The following BRINP1 variants were observed in gnomAD, a reference collection of about 807,000 sequenced individuals.
BRINP1 encodes the protein BMP/retinoic acid-inducible neural-specific protein 1.
BRINP1 carries 17 observed loss-of-function variants against 72.9 expected under a neutral mutation model. That is an observed-to-expected ratio of 0.23 (90% CI 0.16 to 0.35). The LOEUF (loss-of-function observed/expected upper bound fraction) is 0.35, where lower values mean the gene tolerates loss of function less well. Among genes scored for constraint, BRINP1 ranks in the 10% least tolerant of loss-of-function variants. The pLI is 1.00. For synonymous variants in BRINP1, 418 were observed against 378.5 expected (o/e 1.10, Z -1.21); for missense variants, 850 against 1,001.6 (o/e 0.85, Z 2.04).
chr9:119,199,315 T>C (rs1424230869), intron 7 of BRINP1, among the ~76,000 whole-genome samples: 1 of 152,128 alleles, frequency 6.6e-6, no homozygotes, highest in African/African-American at 2.4e-5. Flanking sequence ...AAAATCAGTA[T>C]GAATATTGAG....
intron 5 of BRINP1, among the ~76,000 whole-genome samples, chr9:119,224,356 A>G (rs1830070881): frequency 6.6e-6 from 1 of 152,092 alleles, no homozygotes; most frequent in African/African-American, 2.4e-5. Flanking sequence ...GCCAAGTTGT[A>G]TGCCACAGAA....
intron 5 of BRINP1, among the ~76,000 whole-genome samples, chr9:119,219,468 C>T (rs1176905980): frequency 6.6e-6 from 1 of 151,190 alleles, no homozygotes; most frequent in African/African-American, 2.4e-5. Context: ...TCCTTCTTTC[C>T]TCATTTTCTT....
intron 2 of BRINP1, among the ~76,000 whole-genome samples, chr9:119,310,034 C>T (rs1370001832): frequency 6.6e-6 from 1 of 152,128 alleles, no homozygotes; most frequent in Non-Finnish European, 1.5e-5. Context: ...ACTCCAGACC[C>T]AAAATCCTTT....
intron 2 of BRINP1, among the ~76,000 whole-genome samples, chr9:119,285,984 A>G (rs569397897): frequency 2.0e-5 from 3 of 152,262 alleles, no homozygotes; most frequent in African/African-American, 4.8e-5. Context: ...TTGGAAATCA[A>G]TTCATGCTCA....
Position 119,313,162 on chromosome 9 carries a change from A to C in BRINP1, c.194T>G (p.Phe65Cys). 1.2e-6 allele frequency: 2 copies of C among 1,614,050 alleles called. No homozygotes were observed. The highest frequency in any genetic ancestry group is 1.7e-6 in the Non-Finnish European group (2 of 1,180,014). Residue 65 changes from phenylalanine (F) to cysteine (C), a missense_variant, in exon 2 of 8, where the codon TTT becomes TGT. Phe to Cys is a radical substitution (Grantham distance 205, BLOSUM62 -2). Transcript: ENST00000265922. ...LSFVERHRQG[F>C]TTRYKIYREF... ...CCTGTATATTTTATATCTGGTTGTA[A>C]ATCCTTGACGGTGTCTTTCCACAAA...
At position 119,318,726 on chromosome 9, in the gene BRINP1, C is replaced by A. The variant is rs561218756; in HGVS notation, c.-50-5321G>T. On this transcript the variant is annotated intron_variant, in intron 1 of 7. Coordinates refer to ENST00000265922, the MANE Select transcript of BRINP1 (RefSeq NM_014618.3). ...ACATGGCTTCTATTGTAAACTGGTG[C>A]AGGGTGGGAGCCTGTGAGAGAATAC... Among the ~76,000 whole-genome samples, 17 of 152,216 alleles carry A rather than the reference C, an allele frequency of 1.1e-4. 1 individual carries two copies. The highest frequency in any genetic ancestry group is 2.9e-4 in the African/African-American group (12 of 41,528).
chr9:119,282,937 C>T (rs775229941), intron 2 of BRINP1: 8 of 985,266 alleles, frequency 8.1e-6, no homozygotes, highest in Admixed American at 6.1e-5. Context: ...TAGGTTCTTT[C>T]TCTCTTCAAT....
chr9:119,264,757 G>A (rs1403431508), intron 2 of BRINP1, among the ~76,000 whole-genome samples: 2 of 152,104 alleles, frequency 1.3e-5, no homozygotes, highest in Middle Eastern at 3.2e-3. Flanking sequence ...TGCAACCTCC[G>A]CCTCCCGGGT....
intron 5 of BRINP1, among the ~76,000 whole-genome samples, chr9:119,218,641 A>G (rs2118882331): frequency 6.6e-6 from 1 of 152,090 alleles, no homozygotes; most frequent in South Asian, 2.1e-4. Flanking sequence ...TAGGAATTCA[A>G]CTTGAGTTCT....
chr9:119,308,725 A>T (rs1423178851), intron 2 of BRINP1, among the ~76,000 whole-genome samples: 1 of 152,174 alleles, frequency 6.6e-6, no homozygotes, highest in East Asian at 1.9e-4. Context: ...TTTGATTTAC[A>T]CTCAACTTTC....
At chr9:119,328,618 A>G (rs1831262754) in intron 1 of BRINP1, among the ~76,000 whole-genome samples, 1 of 152,246 alleles carries the variant, frequency 6.6e-6, no homozygotes, top group Admixed American at 6.5e-5. Flanking sequence ...GTAATTAAAT[A>G]GAAAGTGTCC....
At chr9:119,330,166 T>G (rs1831285302) in intron 1 of BRINP1, among the ~76,000 whole-genome samples, 1 of 152,040 alleles carries the variant, frequency 6.6e-6, no homozygotes, top group Non-Finnish European at 1.5e-5. Flanking sequence ...ACACTAGGAG[T>G]GCTCACCATT....
rs182317438 is a variant in BRINP1 at position 119,333,925 on chromosome 9, A to C, written c.-50-20520T>G. On this transcript the variant is annotated intron_variant, in intron 1 of 7. Transcript: ENST00000265922. The stretch of plus-strand genomic sequence containing the variant: ...GTCTAGGAAGTCTGCTGGGGCCTCA[A>C]GTCAGGCAAACAGCTTGTGTTTTGC... 3.4e-3 allele frequency among the ~76,000 whole-genome samples: 513 copies of C among 152,294 alleles called. 4 individuals are homozygous for C. The highest frequency in any genetic ancestry group is 0.012 in the African/African-American group (491 of 41,556).
At chr9:119,236,273 G>A (rs1830190960) in intron 5 of BRINP1, among the ~76,000 whole-genome samples, 1 of 152,160 alleles carries the variant, frequency 6.6e-6, no homozygotes, top group South Asian at 2.1e-4. Flanking sequence ...GGGTAGGACA[G>A]TAGGCCTGCT....
chr9:119,366,508 G>A (rs1480914185), intron 1 of BRINP1, among the ~76,000 whole-genome samples: 431 of 1,728 alleles, frequency 0.25, 19 homozygotes, highest in Middle Eastern at 0.5. Flanking sequence ...ACCACCGTGT[G>A]TGTGTGTGTG....
chr9:119,187,479 A>G (rs1448918520), intron 7 of BRINP1, among the ~76,000 whole-genome samples: 1 of 152,042 alleles, frequency 6.6e-6, no homozygotes, highest in Non-Finnish European at 1.5e-5. Flanking sequence ...AAGAAGTTGC[A>G]TGATGGCTAC....
chr9:119,358,448 C>T (rs1279761513), intron 1 of BRINP1, among the ~76,000 whole-genome samples: 1 of 149,726 alleles, frequency 6.7e-6, no homozygotes. Flanking sequence ...AATCCCAGCA[C>T]TTTGGGAGGC....
At chr9:119,273,643 A>G (rs1342221640) in intron 2 of BRINP1, among the ~76,000 whole-genome samples, 2 of 152,134 alleles carry the variant, frequency 1.3e-5, no homozygotes, top group Non-Finnish European at 2.9e-5. Context: ...CAGAGTTCCA[A>G]TATTCACACT....
intron 6 of BRINP1, among the ~76,000 whole-genome samples, chr9:119,212,461 T>G (rs1397892420): frequency 6.6e-6 from 1 of 152,206 alleles, no homozygotes; most frequent in African/African-American, 2.4e-5. Flanking sequence ...AAAGTAAAAT[T>G]AAGTTACCAA....
Sources: allele counts gnomAD v4.1 joint callset (sites outside exome capture counted in the v4.1 genomes callset), GRCh38; gene constraint gnomAD v4.1.1; transcripts MANE v1.5; gene names NCBI Gene and HGNC (gene_info 2026-07-23, HGNC 2026-07-21).